Variants in MYRIP observed in about 807,000 individuals in gnomAD.
The protein encoded by MYRIP is myosin VIIA and Rab interacting protein.
A neutral mutation model predicts 98.0 loss-of-function variants in MYRIP; 49 were observed. The ratio of observed to expected loss-of-function variants is 0.50; its 90% CI spans 0.40 to 0.63. The LOEUF (loss-of-function observed/expected upper bound fraction) is 0.63. Ranked by LOEUF, MYRIP falls within the 30% of genes least tolerant of loss-of-function variation. The pLI is 0.00. For missense variants in MYRIP, 1,004 were observed against 1,058.2 expected, an observed-to-expected ratio of 0.95 and a Z score of 0.71; for synonymous variants, 404 against 409.5, an observed-to-expected ratio of 0.99 and a Z score of 0.16.
intron 10 of MYRIP, among the ~76,000 whole-genome samples, chr3:40,200,198 G>T (rs1951517038): frequency 6.6e-6 from 1 of 150,868 alleles, no homozygotes. Context: ...TGGCTTCCCT[G>T]GGCCACAGTG....
chr3:39,875,085 C>G (rs991639996), intron 1 of MYRIP, among the ~76,000 whole-genome samples: 106 of 152,052 alleles, frequency 7.0e-4, no homozygotes, highest in African/African-American at 2.4e-3. Context: ...TGTATGTGTC[C>G]AGGAATTTAT....
In MYRIP at chr3:40,023,144, G is replaced by T. The variant is rs575807568; in HGVS notation, c.111-20906G>T. On this transcript the variant is annotated intron_variant, in intron 2 of 16. Coordinates refer to ENST00000302541, the MANE Select transcript of MYRIP (RefSeq NM_015460.4). ...AAACATGAATTAATCTGAAGAGAAA[G>T]CCAGGTGGCTTTGAGGGAGTCACTG... Among the ~76,000 whole-genome samples the T allele has an allele frequency of 3.3e-4, 50 of 152,290 alleles. 1 individual carries two copies. Among genetic ancestry groups the T allele is most frequent in the African/African-American group, 9.9e-4 (41 of 41,570 alleles).
chr3:40,163,275 G>C (rs1950434051), intron 5 of MYRIP, among the ~76,000 whole-genome samples: 1 of 152,088 alleles, frequency 6.6e-6, no homozygotes, highest in African/African-American at 2.4e-5. Flanking sequence ...TAAAGTACTG[G>C]ACATTGATAA....
rs572494665 is a variant in MYRIP at position 40,140,804 on chromosome 3, A to T, written c.333-10244A>T. ...GGGTATATAATAGGTGTATATATTT[A>T]TGGAGTACATGAGATATTTTGACAC... On this transcript the variant is annotated intron_variant, in intron 3 of 16. Transcript: ENST00000302541. Among the ~76,000 whole-genome samples the T allele has an allele frequency of 9.3e-4, 141 of 152,194 alleles. 3 individuals are homozygous for T. In the South Asian group the frequency reaches 0.027, roughly 30 times the overall value.
intron 2 of MYRIP, among the ~76,000 whole-genome samples, chr3:39,913,819 A>G (rs1321285290): frequency 6.6e-6 from 1 of 152,224 alleles, no homozygotes; most frequent in Non-Finnish European, 1.5e-5. Context: ...CTACTGCTCT[A>G]TTAGTAAGAA....
chr3:40,002,467 G>A (rs558688670), intron 2 of MYRIP, among the ~76,000 whole-genome samples: 6 of 152,064 alleles, frequency 3.9e-5, no homozygotes, highest in South Asian at 2.1e-4. Flanking sequence ...CCCAGGAGGC[G>A]GAGGTTGTAT....
chr3:39,911,257 A>C (rs1332417294), intron 2 of MYRIP, among the ~76,000 whole-genome samples: 1 of 151,078 alleles, frequency 6.6e-6, no homozygotes, highest in Non-Finnish European at 1.5e-5. Context: ...AATGGTCAGG[A>C]GAGTTTGATG....
intron 1 of MYRIP, among the ~76,000 whole-genome samples, chr3:39,842,755 C>CCA (rs566574896): frequency 1.2e-3 from 179 of 151,634 alleles, no homozygotes; most frequent in African/African-American, 4.2e-3. Context: ...AGGTGATTAC[C>CCA]CCCCCTGCTT....
At chr3:40,007,013 C>A (rs1158254202) in intron 2 of MYRIP, among the ~76,000 whole-genome samples, 1 of 152,210 alleles carries the variant, frequency 6.6e-6, no homozygotes, top group East Asian at 1.9e-4. Flanking sequence ...TGTTCACTAC[C>A]ATGCCCAGCT....
chr3:39,836,723 C>T (rs998407554), intron 1 of MYRIP, among the ~76,000 whole-genome samples: 10 of 152,198 alleles, frequency 6.6e-5, no homozygotes, highest in Non-Finnish European at 1.5e-4. Context: ...CAGCCGCCAC[C>T]CTGAGCAGCT....
At chr3:39,838,791 C>T (rs1466825919) in intron 1 of MYRIP, among the ~76,000 whole-genome samples, 2 of 152,176 alleles carry the variant, frequency 1.3e-5, no homozygotes, top group East Asian at 3.9e-4. Context: ...ATGGTACCAG[C>T]TCCTCTTTAT....
intron 2 of MYRIP, among the ~76,000 whole-genome samples, chr3:40,021,225 A>G (rs1211182260): frequency 4.6e-5 from 7 of 152,200 alleles, no homozygotes; most frequent in Non-Finnish European, 7.3e-5. Flanking sequence ...AAATTTAGGA[A>G]AGGTGGTTCA....
At chr3:39,855,952 TC>T (rs1942278668) in intron 1 of MYRIP, among the ~76,000 whole-genome samples, 1 of 152,192 alleles carries the variant, frequency 6.6e-6, no homozygotes, top group Non-Finnish European at 1.5e-5. Flanking sequence ...TGAGATATAG[TC>T]AGAGATGGCT....
chr3:40,079,784 T>C (rs116201780), intron 3 of MYRIP, among the ~76,000 whole-genome samples: 47 of 152,348 alleles, frequency 3.1e-4, no homozygotes, highest in African/African-American at 1.1e-3. Flanking sequence ...AAGTATAGCA[T>C]TGTTCACAGC....
Position 40,189,896 on chromosome 3 carries a change from C to T in MYRIP, c.1098C>T (p.Thr366=). ...TGAAGGATGGCGCTCCACCCCCCAC[C>T]CGACTACTGGCCAAACCTAAGAGCG... The part of the protein sequence containing the change: ...VALKDGAPPP[T]RLLAKPKSGT... The change falls in exon 10 of 17, where the codon ACC becomes ACT. Residue 366 remains threonine, a synonymous_variant. Transcript: ENST00000302541. 6.2e-7 allele frequency: 1 copy of T among 1,614,198 alleles called. No homozygotes were observed. The highest frequency in any genetic ancestry group is 8.5e-7 in the Non-Finnish European group (1 of 1,180,042).
chr3:39,831,907 G>A (rs1941461588), intron 1 of MYRIP, among the ~76,000 whole-genome samples: 1 of 152,172 alleles, frequency 6.6e-6, no homozygotes, highest in Non-Finnish European at 1.5e-5. Context: ...GGTTTCTCAT[G>A]TATGTAAAGA....
chr3:40,226,148 A>G (rs1467658236), intron 11 of MYRIP, among the ~76,000 whole-genome samples: 1 of 152,222 alleles, frequency 6.6e-6, no homozygotes, highest in Non-Finnish European at 1.5e-5. Context: ...AAAACTGAAC[A>G]AATGACTCAG....
intron 1 of MYRIP, among the ~76,000 whole-genome samples, chr3:39,881,102 A>AT (rs34691423): frequency 8.6e-5 from 13 of 151,902 alleles, no homozygotes; most frequent in Non-Finnish European, 1.6e-4. Flanking sequence ...TTCACTAACT[A>AT]TTTTTTTAAT....
chr3:40,077,093 T>C (rs1948360206), intron 3 of MYRIP, among the ~76,000 whole-genome samples: 1 of 152,190 alleles, frequency 6.6e-6, no homozygotes, highest in African/African-American at 2.4e-5. Flanking sequence ...CTTCTGATGT[T>C]CGGGTGTGTT....
Sources: allele counts gnomAD v4.1 joint callset (sites outside exome capture counted in the v4.1 genomes callset), GRCh38; gene constraint gnomAD v4.1.1; transcripts MANE v1.5; gene names NCBI Gene and HGNC (gene_info 2026-07-23, HGNC 2026-07-21).